The following TIAM1 variants were observed in gnomAD, a reference collection of about 807,000 sequenced individuals.
TIAM1 encodes TIAM Rac1 associated GEF 1, also known as rho guanine nucleotide exchange factor TIAM1.
TIAM1 carries 65 observed loss-of-function variants against 163.5 expected under a neutral mutation model. The ratio of observed to expected loss-of-function variants is 0.40; its 90% confidence interval spans 0.33 to 0.49. The LOEUF (loss-of-function observed/expected upper bound fraction) is 0.49. TIAM1 is among the 20% of genes least tolerant of loss of function. The pLI is 0.77. For synonymous variants in TIAM1, 833 were observed against 810.1 expected (o/e 1.03, Z -0.48); for missense variants, 1,789 against 2,044.7 (o/e 0.87, Z 2.41).
intron 23 of TIAM1, among the ~76,000 whole-genome samples, chr21:31,135,171 T>C (rs546298251): frequency 6.6e-6 from 1 of 152,182 alleles, no homozygotes; most frequent in African/African-American, 2.4e-5. Flanking sequence ...AAGCATGGAG[T>C]GTTGATAGTT....
In TIAM1 at chr21:31,244,328, G is replaced by A. The variant is rs542773030; in HGVS notation, c.1584+1160C>T. Among the ~76,000 whole-genome samples, 9 of 152,124 alleles carry A rather than the reference G, an allele frequency of 5.9e-5. No individual in the cohort carries two copies. The South Asian group carries it at 6.2e-4, about 11-fold the overall frequency. On this transcript the variant is annotated intron_variant, in intron 6 of 27. Transcript: ENST00000541036. ...GTTATATTCTTACGGTCCTTGTCAC[G>A]CCATTTATACCTGCTCTTCCTTTAA...
intron 15 of TIAM1, among the ~76,000 whole-genome samples, chr21:31,170,602 G>A (rs1315488617): frequency 1.3e-5 from 2 of 152,148 alleles, no homozygotes; most frequent in East Asian, 3.8e-4. Flanking sequence ...GTAATCTAAA[G>A]CAGTGCACAA....
intron 1 of TIAM1, among the ~76,000 whole-genome samples, chr21:31,511,588 C>T (rs561569206): frequency 2.6e-5 from 4 of 152,148 alleles, no homozygotes; most frequent in African/African-American, 9.7e-5. Flanking sequence ...TGCCTGGCAC[C>T]GAGTCCAAGC....
chr21:31,194,518 T>C (rs1157428792), intron 13 of TIAM1, among the ~76,000 whole-genome samples: 1 of 152,184 alleles, frequency 6.6e-6, no homozygotes, highest in East Asian at 1.9e-4. Flanking sequence ...CATCATAGTA[T>C]ATGTTAAACA....
In TIAM1 at chr21:31,118,516, T is replaced by G. The variant is rs1304917595; in HGVS notation, c.*1852A>C. ...ACCTTCTTTCAGCTTATAAAAGAAA[T>G]ATATAAGAACTTTTGACATAGACAC... is the stretch of plus-strand genomic sequence containing the variant. On this transcript the variant is annotated 3_prime_UTR_variant, in exon 28 of 28. Coordinates refer to ENST00000541036, the MANE Select transcript of TIAM1 (RefSeq NM_001353694.2). 2.2e-6 allele frequency: 1 copy of G among 453,114 alleles called. No homozygotes were observed. Among genetic ancestry groups the G allele is most frequent in the Admixed American group, 2.7e-5 (1 of 37,082 alleles). 28.1% of individuals were successfully genotyped at this position (453,114 alleles called of 1,614,324 possible).
intron 2 of TIAM1, among the ~76,000 whole-genome samples, chr21:31,294,622 G>C (rs1269041620): frequency 2.0e-5 from 3 of 152,182 alleles, no homozygotes; most frequent in African/African-American, 7.2e-5. Context: ...ACAGAAAAGA[G>C]AGCCGTTGGG....
At chr21:31,507,207 TTTTTTTTTTTTTTTTTG>T (rs2047062995) in intron 1 of TIAM1, among the ~76,000 whole-genome samples, 6 of 91,418 alleles carry the variant, frequency 6.6e-5, no homozygotes, top group South Asian at 4.1e-4. Flanking sequence ...TTTTTTTTTT[TTTTTTTTTTTTTTTTTG>T]AGACAGAGTC....
chr21:31,495,917 A>G (rs2147433281), intron 1 of TIAM1, among the ~76,000 whole-genome samples: 1 of 152,178 alleles, frequency 6.6e-6, no homozygotes, highest in South Asian at 2.1e-4. Context: ...GGTTGCAGTG[A>G]GCCGAGATCG....
At chr21:31,460,195 A>G (rs2045271493) in intron 2 of TIAM1, among the ~76,000 whole-genome samples, 1 of 151,734 alleles carries the variant, frequency 6.6e-6, no homozygotes, top group South Asian at 2.1e-4. Flanking sequence ...TCCCTGACAA[A>G]CCCCAGGCAG....
chr21:31,430,219 A>AT (rs1292945573), intron 2 of TIAM1, among the ~76,000 whole-genome samples: 12 of 110,974 alleles, frequency 1.1e-4, no homozygotes, highest in Non-Finnish European at 1.9e-4. Flanking sequence ...AGAAAAAAAA[A>AT]AAAAAAATAT....
At chr21:31,548,703 G>T (rs1023930340) in intron 1 of TIAM1, among the ~76,000 whole-genome samples, 3 of 151,416 alleles carry the variant, frequency 2.0e-5, no homozygotes, top group Non-Finnish European at 2.9e-5. Flanking sequence ...TGGCCAGGCT[G>T]GTCTCGAACT....
At chr21:31,458,343 C>T (rs1225715859) in intron 2 of TIAM1, among the ~76,000 whole-genome samples, 1 of 151,894 alleles carries the variant, frequency 6.6e-6, no homozygotes, top group Non-Finnish European at 1.5e-5. Flanking sequence ...TCGCTTGAAC[C>T]CGGGAGACGG....
intron 2 of TIAM1, among the ~76,000 whole-genome samples, chr21:31,459,610 C>A (rs7281121): frequency 0.24 from 36,315 of 152,078 alleles, 4,448 homozygotes; most frequent in South Asian, 0.28. Context: ...GTTGCCTCCC[C>A]ACCCTAGATG....
Position 31,125,854 on chromosome 21 carries a change from C to T in TIAM1, c.4134-1160G>A, listed in dbSNP as rs145563937. Reference sequence around the variant, plus strand: ...CCTCCCAAAGTGCTGGGATTACAGGCATGAGCCACCATGCCCAGCACCAGT... The same window carrying T: ...CCTCCCAAAGTGCTGGGATTACAGGTATGAGCCACCATGCCCAGCACCAGT... On this transcript the variant is annotated intron_variant, in intron 26 of 27. Coordinates refer to ENST00000541036, the MANE Select transcript of TIAM1 (RefSeq NM_001353694.2). Among the ~76,000 whole-genome samples the T allele has an allele frequency of 3.5e-3, 527 of 152,356 alleles. 5 individuals carry two copies. The highest frequency in any genetic ancestry group is 0.012 in the African/African-American group (506 of 41,588).
intron 2 of TIAM1, among the ~76,000 whole-genome samples, chr21:31,443,602 A>T (rs1320683222): frequency 1.3e-5 from 2 of 152,176 alleles, no homozygotes; most frequent in African/African-American, 4.8e-5. Context: ...CTCATGTAAG[A>T]AGTCTCACCT....
rs2085075282 is a variant in TIAM1, at chr21:31,182,433, T to C, written c.2875A>G (p.Thr959Ala). Residue 959 changes from threonine (T) to alanine (A), a missense_variant, in exon 15 of 28, where the codon ACC becomes GCC. Thr to Ala is a moderately conservative substitution (Grantham distance 58, BLOSUM62 0). Around this residue, in one of 5 missense-constraint regions of TIAM1, gnomAD observed 303 missense variants for 321.3 expected, o/e 0.94. Coordinates refer to ENST00000541036, the MANE Select transcript of TIAM1 (RefSeq NM_001353694.2). Reference protein sequence around the residue: ...DLGESPLAFLTSNPGHSLCSE... With the variant: ...DLGESPLAFLASNPGHSLCSE... ...TGCACAGCCATACCTGGGTTGCTGG[T>C]GAGAAAGGCGAGGGGGCTCTCGCCA... 1 of 1,574,382 alleles carries C rather than the reference T, an allele frequency of 6.4e-7. No individual in the cohort carries two copies. Among genetic ancestry groups the C allele is most frequent in the Non-Finnish European group, 8.6e-7 (1 of 1,161,958 alleles).
chr21:31,147,747 TAATA>T (rs1308635433), intron 19 of TIAM1, among the ~76,000 whole-genome samples: 1 of 142,306 alleles, frequency 7.0e-6, no homozygotes, highest in Non-Finnish European at 1.5e-5. Flanking sequence ...TAAAAATATA[TAATA>T]TATAATTAAT....
At chr21:31,540,129 T>C (rs889214815) in intron 1 of TIAM1, among the ~76,000 whole-genome samples, 1 of 152,166 alleles carries the variant, frequency 6.6e-6, no homozygotes, top group Non-Finnish European at 1.5e-5. Flanking sequence ...CTCACGCCTA[T>C]AATCCCAGCA....
intron 2 of TIAM1, chr21:31,452,646 C>T (rs1483342127): frequency 2.2e-6 from 1 of 462,116 alleles, no homozygotes; most frequent in Admixed American, 3.2e-5. Flanking sequence ...TATTTTCTCA[C>T]TGAAATTCTC....
Sources: gnomAD v4.1 joint callset for allele counts (sites outside exome capture counted in the v4.1 genomes callset) on GRCh38, gnomAD v4.1.1 for gene constraint, gnomAD v4.1.1 regional missense constraint, MANE v1.5 for transcripts, NCBI Gene and HGNC (gene_info 2026-07-23, HGNC 2026-07-21) for gene names.